USP13: variants seen among roughly 807,000 people sequenced by gnomAD.
USP13 encodes ubiquitin carboxyl-terminal hydrolase 13.
Under a neutral mutation model 107.8 loss-of-function variants are expected in USP13, and 68 were observed. That is an observed-to-expected ratio of 0.63 (90% CI 0.52 to 0.77). USP13 has a LOEUF of 0.77. Among genes scored for constraint, USP13 ranks in the 30% least tolerant of loss-of-function variants. The probability of loss-of-function intolerance (pLI) is 0.00; values close to 1 mark genes in which losing one functional copy is unlikely to be tolerated. For synonymous variants in USP13, 377 were observed against 389.5 expected (o/e 0.97, Z 0.38); for missense variants, 945 against 1,093.3 (o/e 0.86, Z 1.91).
At chr3:179,667,720 C>A (rs140519708) in intron 1 of USP13, among the ~76,000 whole-genome samples, 1 of 152,168 alleles carries the variant, frequency 6.6e-6, no homozygotes, top group Non-Finnish European at 1.5e-5. Context: ...AATCTCGGCT[C>A]GCCGCAACCT....
intron 1 of USP13, among the ~76,000 whole-genome samples, chr3:179,670,729 G>C (rs917575781): frequency 6.6e-6 from 1 of 151,444 alleles, no homozygotes; most frequent in African/African-American, 2.4e-5. Context: ...ACAGATTCTC[G>C]CTCTGTCACC....
intron 4 of USP13, 79 bp downstream of exon 4, chr3:179,701,208 CG>C: frequency 1.3e-5 from 1 of 77,556 alleles, no homozygotes; most frequent in Non-Finnish European, 2.8e-5. Flanking sequence ...TGTGTGTGTG[CG>C]GGGGTGGGGT....
In USP13 at chr3:179,678,533, C is replaced by T. The variant is rs547493318; in HGVS notation, c.169-3345C>T. The stretch of plus-strand genomic sequence containing the variant: ...TGTCACCCAGGCTGGATGGCACAAT[C>T]ATGGCTCACTGCAACCTTGACCTCC... On this transcript the variant is annotated intron_variant, in intron 1 of 20. Coordinates refer to ENST00000263966, the MANE Select transcript of USP13 (RefSeq NM_003940.3). This position sits in a 1 kb window ranked among gnomAD's most constrained non-coding sequence, Gnocchi z 4.2. 6.6e-6 allele frequency among the ~76,000 whole-genome samples: 1 copy of T among 151,664 alleles called. No individual in the cohort carries two copies. Among genetic ancestry groups the T allele is most frequent in the Non-Finnish European group, 1.5e-5 (1 of 67,956 alleles).
In USP13 at chr3:179,789,356, A is replaced by G. The variant is rs1195257582; in HGVS notation, c.*5215A>G. On this transcript the variant is annotated 3_prime_UTR_variant, in exon 21 of 21. Coordinates refer to ENST00000263966, the MANE Select transcript of USP13 (RefSeq NM_003940.3). Reference sequence around the variant, plus strand: ...TTGCCTGAGATGGAAAGAGAGATGGATGATTTATTGCTTCAATTGTTTTAA... The same window carrying G: ...TTGCCTGAGATGGAAAGAGAGATGGGTGATTTATTGCTTCAATTGTTTTAA... 6.6e-6 allele frequency: 1 copy of G among 152,208 alleles called. No individual in the cohort carries two copies. The highest frequency in any genetic ancestry group is 1.5e-5 in the Non-Finnish European group (1 of 68,040). The allele number at this position is 152,208 out of a possible 1,614,324, so 9.4% of individuals were successfully genotyped here. A position where few individuals can be genotyped will look rare whatever the true frequency, so the allele number is the denominator to read the frequency against.
chr3:179,740,441 G>A lies in USP13; in HGVS notation c.1380+69G>A, dbSNP rs1208319933. 2.5e-6 allele frequency: 4 copies of A among 1,594,216 alleles called. No homozygotes were observed. The African/African-American group carries it at 5.4e-5, about 21-fold the overall frequency. Reference sequence around the variant, plus strand: ...GGTGCCGAGCCACTCAGTGCAGTCTGCTGTGGCTTGATCAGAATGCCTCCC... The same window carrying A: ...GGTGCCGAGCCACTCAGTGCAGTCTACTGTGGCTTGATCAGAATGCCTCCC... On this transcript the variant is annotated intron_variant, in intron 11 of 20. Transcript: ENST00000263966.
chr3:179,779,997 T>C (rs906331096), intron 19 of USP13, among the ~76,000 whole-genome samples: 1 of 152,138 alleles, frequency 6.6e-6, no homozygotes, highest in Non-Finnish European at 1.5e-5. Context: ...TCCTGAGTTA[T>C]TGGAAGAATG....
chr3:179,773,369 T>C (rs1429445610), intron 19 of USP13, among the ~76,000 whole-genome samples: 2 of 152,202 alleles, frequency 1.3e-5, no homozygotes, highest in African/African-American at 2.4e-5. Context: ...TTGGTAGTTA[T>C]TTTAGGGAGT....
chr3:179,706,449 C>A lies in USP13; in HGVS notation c.478-485C>A, dbSNP rs114091365. On this transcript the variant is annotated intron_variant, in intron 4 of 20. Coordinates refer to ENST00000263966, the MANE Select transcript of USP13 (RefSeq NM_003940.3). Reference sequence around the variant, plus strand: ...TCCCTGTCCAGGGTCACATTTGCACCAGATTAAGAAATGGAGCCATGCTGC... The same window carrying A: ...TCCCTGTCCAGGGTCACATTTGCACAAGATTAAGAAATGGAGCCATGCTGC... 2.8e-3 allele frequency among the ~76,000 whole-genome samples: 422 copies of A among 152,222 alleles called. 1 individual carries two copies. The highest frequency in any genetic ancestry group is 9.8e-3 in the African/African-American group (407 of 41,546).
intron 1 of USP13, among the ~76,000 whole-genome samples, chr3:179,681,324 C>T (rs1711645605): frequency 6.6e-6 from 1 of 152,054 alleles, no homozygotes; most frequent in East Asian, 1.9e-4. Flanking sequence ...TAAAAATTCT[C>T]TCGGCCCCTG....
At chr3:179,661,775 T>C (rs545364037) in intron 1 of USP13, among the ~76,000 whole-genome samples, 9 of 152,272 alleles carry the variant, frequency 5.9e-5, no homozygotes, top group East Asian at 1.9e-4. Flanking sequence ...CTCCTGGACA[T>C]TGCATTTCCC....
rs1176638924 is a variant in USP13 at position 179,655,564 on chromosome 3, TTTG to T, written c.168+2174_168+2176del. ...AATGGGAAGGTTTTTTTTGTTTTGT[TTTG>T]TTTTTTTTTTGAGTTTTGCTCTTGT... On this transcript the variant is annotated intron_variant, in intron 1 of 20. Transcript: ENST00000263966. Among the ~76,000 whole-genome samples the T allele has an allele frequency of 3.0e-4, 39 of 129,722 alleles. 1 individual carries two copies. The highest frequency in any genetic ancestry group is 8.6e-4 in the African/African-American group (29 of 33,656). The allele number at this position is 129,722 out of a possible 152,430, so 85.1% of individuals were successfully genotyped here.
At chr3:179,729,447 T>G (rs1406372740) in intron 8 of USP13, among the ~76,000 whole-genome samples, 6 of 152,168 alleles carry the variant, frequency 3.9e-5, no homozygotes, top group Non-Finnish European at 5.9e-5. Flanking sequence ...AGTCGAGTCT[T>G]GTCCCTAACT....
chr3:179,673,423 A>G (rs895279500), intron 1 of USP13, among the ~76,000 whole-genome samples: 4 of 152,242 alleles, frequency 2.6e-5, no homozygotes, highest in Admixed American at 2.0e-4. Context: ...TGTACCAGGT[A>G]CTATTTTTAG....
intron 13 of USP13, among the ~76,000 whole-genome samples, chr3:179,751,394 T>G (rs1332388063): frequency 6.6e-6 from 1 of 152,192 alleles, no homozygotes; most frequent in African/African-American, 2.4e-5. Flanking sequence ...GGCCATGGAT[T>G]AAGTACCGCA....
intron 4 of USP13, among the ~76,000 whole-genome samples, chr3:179,705,826 G>A (rs555819073): frequency 1.3e-5 from 2 of 152,210 alleles, no homozygotes; most frequent in East Asian, 1.9e-4. Context: ...AGGCTCAAGC[G>A]ATCCTCCTGC....
rs138730728 is a variant in USP13 at position 179,751,100 on chromosome 3, T to C, written c.1710-1185T>C. 1.0e-3 allele frequency among the ~76,000 whole-genome samples: 157 copies of C among 152,314 alleles called. 2 individuals carry two copies. The highest frequency in any genetic ancestry group is 3.7e-3 in the African/African-American group (154 of 41,556). ...ACCTATAAACAGCTCATTTTCTTTT[T>C]TACATATACCTACCACACCCACATT... On this transcript the variant is annotated intron_variant, in intron 13 of 20. Coordinates refer to ENST00000263966, the MANE Select transcript of USP13 (RefSeq NM_003940.3).
chr3:179,737,823 C>T (rs2268933), intron 10 of USP13, among the ~76,000 whole-genome samples: 101,430 of 152,066 alleles, frequency 0.67, 34,244 homozygotes, highest in East Asian at 0.86. Flanking sequence ...CTCTGTTGTC[C>T]GTAAGCTCCT....
chr3:179,745,117 G>A lies in USP13; in HGVS notation c.1609G>A (p.Ala537Thr). 1 of 1,614,156 alleles carries A rather than the reference G, an allele frequency of 6.2e-7. No homozygotes were observed. The highest frequency in any genetic ancestry group is 1.7e-5 in the Admixed American group (1 of 60,022). ...NRRPLPELVR[A>T]KIPFSACLQA... is the part of the protein sequence containing the mutation. ...AAGACCCCTTCCTGAGTTGGTACGT[G>A]CCAAGATACCATTTAGTGCCTGCCT... Residue 537 changes from alanine (A) to threonine (T), a missense_variant, in exon 13 of 21, where the codon GCC becomes ACC. By Grantham distance (58) the Ala-to-Thr change is moderately conservative. Transcript: ENST00000263966.
intron 6 of USP13, among the ~76,000 whole-genome samples, chr3:179,717,264 T>G (rs954767439): frequency 2.0e-5 from 3 of 152,338 alleles, no homozygotes; most frequent in Admixed American, 1.3e-4. Context: ...ACTGAAAACT[T>G]TTTTTCTCTG....
Sources: allele counts gnomAD v4.1 joint callset (sites outside exome capture counted in the v4.1 genomes callset), GRCh38; gene constraint gnomAD v4.1.1; non-coding constraint Gnocchi (gnomAD v3.1); transcripts MANE v1.5; gene names NCBI Gene and HGNC (gene_info 2026-07-23, HGNC 2026-07-21).